Variants in SGCZ observed in about 807,000 individuals in gnomAD.
SGCZ encodes zeta-sarcoglycan.
In SGCZ, 40 loss-of-function variants were observed where a neutral mutation model predicts 41.3. The ratio of observed to expected loss-of-function variants is 0.97; its 90% CI spans 0.75 to 1.26. The LOEUF (loss-of-function observed/expected upper bound fraction) is 1.26, where lower values mean the gene tolerates loss of function less well. Ranked by LOEUF, SGCZ falls within the 50% of genes most tolerant of loss-of-function variation. The pLI is 0.00. For synonymous variants in SGCZ, 206 were observed against 137.5 expected (o/e 1.50, Z -3.49); for missense variants, 552 against 369.8 (o/e 1.49, Z -4.04).
chr8:15,002,502 A>T (rs192868940), intron 1 of SGCZ, among the ~76,000 whole-genome samples: 1 of 152,170 alleles, frequency 6.6e-6, no homozygotes, highest in East Asian at 1.9e-4. Flanking sequence ...ATTACCCTAG[A>T]AATAGGAACC....
intron 6 of SGCZ, among the ~76,000 whole-genome samples, chr8:14,105,958 T>C (rs1034296472): frequency 6.6e-6 from 1 of 152,172 alleles, no homozygotes; most frequent in African/African-American, 2.4e-5. Flanking sequence ...TCTATAAATG[T>C]ATTTTAAGTT....
intron 5 of SGCZ, among the ~76,000 whole-genome samples, chr8:14,136,888 C>T (rs1165851625): frequency 2.6e-5 from 4 of 152,192 alleles, no homozygotes; most frequent in Non-Finnish European, 4.4e-5. Context: ...AAATGGGAAA[C>T]ACTTCCCAGA....
intron 1 of SGCZ, among the ~76,000 whole-genome samples, chr8:15,168,003 A>G (rs946833552): frequency 3.3e-5 from 5 of 152,222 alleles, no homozygotes; most frequent in Non-Finnish European, 7.3e-5. Context: ...GCCAAGCACA[A>G]TAACACCCAA....
At position 14,203,153 on chromosome 8, in the gene SGCZ, T is replaced by C. The variant is rs145726097; in HGVS notation, c.424+34439A>G. Among the ~76,000 whole-genome samples, 172 of 152,310 alleles carry C rather than the reference T, an allele frequency of 1.1e-3. 2 individuals are homozygous for C. The East Asian group carries it at 0.025, about 23-fold the overall frequency. ...CCAATAAACCTCTTTCTTTTGTAAA[T>C]TGCCCAGTCCCAGATATGTTTTTAT... is the stretch of plus-strand genomic sequence containing the variant. On this transcript the variant is annotated intron_variant, in intron 4 of 7. Coordinates refer to ENST00000382080, the MANE Select transcript of SGCZ (RefSeq NM_139167.4).
At chr8:14,494,885 C>A (rs988801599) in intron 2 of SGCZ, among the ~76,000 whole-genome samples, 1 of 152,104 alleles carries the variant, frequency 6.6e-6, no homozygotes, top group African/African-American at 2.4e-5. Flanking sequence ...TTTTAATTTG[C>A]TTATGTTAGG....
At position 14,698,398 on chromosome 8, in the gene SGCZ, T is replaced by C. The variant is rs117612504; in HGVS notation, c.40-143472A>G. On this transcript the variant is annotated intron_variant, in intron 1 of 7. Transcript: ENST00000382080. ...TTAGCTCCAAGTTAAACTTTTGTAT[T>C]TAACCAGTCACAATATTAAATAAAG... Among the ~76,000 whole-genome samples the C allele has an allele frequency of 1.7e-3, 253 of 151,998 alleles. 2 individuals are homozygous for C. The South Asian group carries it at 0.018, about 11-fold the overall frequency.
intron 1 of SGCZ, among the ~76,000 whole-genome samples, chr8:14,672,338 T>TGCG (rs1283385056): frequency 1.2e-4 from 19 of 152,292 alleles, no homozygotes; most frequent in African/African-American, 4.6e-4. Context: ...AAACCAGCTG[T>TGCG]AAATATTTGC....
At chr8:14,415,546 T>TATTG (rs1196930788) in intron 2 of SGCZ, among the ~76,000 whole-genome samples, 1 of 151,956 alleles carries the variant, frequency 6.6e-6, no homozygotes, top group African/African-American at 2.4e-5. Context: ...ATGGAAATCA[T>TATTG]ATTGTTCTAC....
At chr8:14,257,055 G>C (rs752107842) in intron 3 of SGCZ, among the ~76,000 whole-genome samples, 5 of 152,056 alleles carry the variant, frequency 3.3e-5, no homozygotes, top group Non-Finnish European at 7.4e-5. Context: ...TTCTGGCCAG[G>C]CGTGGTGGCT....
intron 2 of SGCZ, among the ~76,000 whole-genome samples, chr8:14,407,666 G>C (rs949455179): frequency 1.3e-5 from 2 of 152,100 alleles, no homozygotes; most frequent in African/African-American, 4.8e-5. Flanking sequence ...ATAAAATATT[G>C]TTTTCTTGTT....
At chr8:15,213,106 G>C (rs1339371468) in intron 1 of SGCZ, among the ~76,000 whole-genome samples, 2 of 151,980 alleles carry the variant, frequency 1.3e-5, no homozygotes, top group African/African-American at 4.8e-5. Context: ...TTGGAAAACA[G>C]ATTCTGTCAG....
At chr8:14,209,000 A>T (rs921516511) in intron 4 of SGCZ, among the ~76,000 whole-genome samples, 9 of 152,186 alleles carry the variant, frequency 5.9e-5, no homozygotes, top group Non-Finnish European at 5.9e-5. Flanking sequence ...CTCTTGGGTG[A>T]ATGCTGGTAG....
chr8:14,876,945 AC>A (rs1179926170), intron 1 of SGCZ, among the ~76,000 whole-genome samples: 1 of 152,094 alleles, frequency 6.6e-6, no homozygotes, highest in Non-Finnish European at 1.5e-5. Context: ...TTAGAGATTA[AC>A]AGTGGACCTA....
intron 2 of SGCZ, among the ~76,000 whole-genome samples, chr8:14,340,374 A>G (rs1802659816): frequency 6.6e-6 from 1 of 152,174 alleles, no homozygotes; most frequent in Non-Finnish European, 1.5e-5. Context: ...TTTTACAAGC[A>G]TTCCCTTAAT....
chr8:14,558,071 A>G (rs1271145041), intron 1 of SGCZ, among the ~76,000 whole-genome samples: 4 of 152,140 alleles, frequency 2.6e-5, no homozygotes, highest in Admixed American at 2.6e-4. Context: ...CCTAGAGGAC[A>G]TGGCTCAATT....
chr8:14,550,045 T>C (rs1803753115), intron 2 of SGCZ, among the ~76,000 whole-genome samples: 2 of 152,010 alleles, frequency 1.3e-5, no homozygotes, highest in African/African-American at 4.8e-5. Flanking sequence ...CGCTAGAACC[T>C]AGAGAAACTC....
intron 1 of SGCZ, among the ~76,000 whole-genome samples, chr8:14,875,900 A>G (rs1429083170): frequency 4.6e-5 from 7 of 152,170 alleles, no homozygotes; most frequent in Admixed American, 3.9e-4. Flanking sequence ...CTGAAGACTA[A>G]AAGAGTTATT....
chr8:14,553,035 G>A (rs2117186710), intron 2 of SGCZ, among the ~76,000 whole-genome samples: 1 of 151,958 alleles, frequency 6.6e-6, no homozygotes, highest in South Asian at 2.1e-4. Flanking sequence ...TAAAAAATGA[G>A]GCTGAAAATG....
At chr8:14,127,320 T>A (rs1372372454) in intron 5 of SGCZ, among the ~76,000 whole-genome samples, 3 of 152,090 alleles carry the variant, frequency 2.0e-5, no homozygotes, top group Non-Finnish European at 2.9e-5. Flanking sequence ...ATAATACACA[T>A]CCCCTAAATA....
Sources: gnomAD v4.1 joint callset for allele counts (sites outside exome capture counted in the v4.1 genomes callset) on GRCh38, gnomAD v4.1.1 for gene constraint, MANE v1.5 for transcripts, NCBI Gene and HGNC (gene_info 2026-07-23, HGNC 2026-07-21) for gene names.